KIAA1217: variants seen among roughly 807,000 people sequenced by gnomAD.
KIAA1217 encodes KIAA1217.
A neutral mutation model predicts 163.9 loss-of-function variants in KIAA1217; 88 were observed. The observed-to-expected ratio is 0.54, with a 90% CI of 0.45 to 0.64. KIAA1217 has a LOEUF of 0.64. Among genes scored for constraint, KIAA1217 ranks in the 30% least tolerant of loss-of-function variants. KIAA1217 has a pLI of 0.00. For missense variants in KIAA1217, 2,372 were observed against 2,475.0 expected, an observed-to-expected ratio of 0.96 and a Z score of 0.88; for synonymous variants, 903 against 923.1, an observed-to-expected ratio of 0.98 and a Z score of 0.39.
intron 2 of KIAA1217, among the ~76,000 whole-genome samples, chr10:24,113,079 G>A (rs557725721): frequency 2.9e-4 from 44 of 152,168 alleles, no homozygotes; most frequent in African/African-American, 1.0e-3. Context: ...ATTCCAGGGT[G>A]AGAGAGTAAA....
chr10:23,802,095 G>A lies in KIAA1217; in HGVS notation c.-321+106861G>A, dbSNP rs148055840. ...GAGAGACTGCAGATGGGAGAGTTGA[G>A]GGCCCTAGCTGATAGCAGAATATGG... On this transcript the variant is annotated intron_variant, in intron 1 of 18. Coordinates refer to the KIAA1217 transcript ENST00000376462. Among the ~76,000 whole-genome samples the A allele has an allele frequency of 5.2e-3, 786 of 152,306 alleles. 7 individuals carry two copies. Among genetic ancestry groups the A allele is most frequent in the Middle Eastern group, 0.017 (5 of 294 alleles).
intron 1 of KIAA1217, among the ~76,000 whole-genome samples, chr10:23,945,459 T>C (rs1399207379): frequency 6.6e-6 from 1 of 152,198 alleles, no homozygotes; most frequent in Non-Finnish European, 1.5e-5. Flanking sequence ...TGGCTGCTTA[T>C]GGAAGGAGGT....
chr10:24,401,338 C>T lies in KIAA1217; in HGVS notation c.553+20271C>T, dbSNP rs535824733. ...ACCATATGTATTTCACACAAAAATC[C>T]TTAATACATTATAAGCAAATCAGAT... On this transcript the variant is annotated intron_variant, in intron 3 of 20. Coordinates refer to ENST00000376454, the MANE Select transcript of KIAA1217 (RefSeq NM_019590.5). Among the ~76,000 whole-genome samples, 32 of 152,100 alleles carry T rather than the reference C, an allele frequency of 2.1e-4. No homozygotes were observed. In the South Asian group the frequency reaches 4.8e-3, roughly 23 times the overall value.
At chr10:23,971,890 T>A (rs572721546) in intron 1 of KIAA1217, among the ~76,000 whole-genome samples, 1 of 152,310 alleles carries the variant, frequency 6.6e-6, no homozygotes, top group East Asian at 1.9e-4. Context: ...AACCCTGGTT[T>A]CCACAACCCA....
intron 1 of KIAA1217, among the ~76,000 whole-genome samples, chr10:23,964,237 A>C (rs1379548990): frequency 6.6e-6 from 1 of 150,706 alleles, no homozygotes; most frequent in African/African-American, 2.4e-5. Flanking sequence ...TGGCTGCATA[A>C]ATGTCTTCTT....
intron 1 of KIAA1217, among the ~76,000 whole-genome samples, chr10:23,750,287 T>G (rs1839664420): frequency 2.0e-5 from 3 of 152,240 alleles, no homozygotes; most frequent in Non-Finnish European, 4.4e-5. Flanking sequence ...TGTCATGGAA[T>G]ATGCAACCCT....
chr10:24,340,481 T>C (rs2046951013), intron 2 of KIAA1217, among the ~76,000 whole-genome samples: 1 of 152,026 alleles, frequency 6.6e-6, no homozygotes, highest in African/African-American at 2.4e-5. Flanking sequence ...GAAGTATGAG[T>C]CCATTAAACC....
intron 5 of KIAA1217, among the ~76,000 whole-genome samples, chr10:24,439,689 C>T (rs1488554692): frequency 6.7e-6 from 1 of 150,038 alleles, no homozygotes; most frequent in East Asian, 2.0e-4. Context: ...AGGTCATCAA[C>T]ATTTCTTGGT....
At chr10:23,938,806 T>G (rs962730199) in intron 1 of KIAA1217, among the ~76,000 whole-genome samples, 3 of 152,178 alleles carry the variant, frequency 2.0e-5, no homozygotes, top group Non-Finnish European at 4.4e-5. Context: ...GATGACTGTG[T>G]ATATGCATAC....
chr10:23,824,666 T>G, intron 1 of KIAA1217, among the ~76,000 whole-genome samples: 1 of 128,524 alleles, frequency 7.8e-6, no homozygotes, highest in African/African-American at 2.9e-5. Flanking sequence ...AAAATATATA[T>G]ATATATATAT....
intron 2 of KIAA1217, among the ~76,000 whole-genome samples, chr10:24,362,526 G>A (rs1302139710): frequency 5.9e-5 from 9 of 152,146 alleles, no homozygotes; most frequent in Non-Finnish European, 1.5e-5. Flanking sequence ...AGATATGCTG[G>A]ATGGCTCAGT....
intron 2 of KIAA1217, among the ~76,000 whole-genome samples, chr10:24,072,544 G>A (rs1304094464): frequency 6.6e-6 from 1 of 152,140 alleles, no homozygotes; most frequent in Non-Finnish European, 1.5e-5. Context: ...TCAATAATCT[G>A]TTACATTTGT....
intron 2 of KIAA1217, among the ~76,000 whole-genome samples, chr10:24,220,679 C>A (rs2069489443): frequency 6.6e-6 from 1 of 150,494 alleles, no homozygotes; most frequent in Non-Finnish European, 1.5e-5. Flanking sequence ...TGGTCTCGAT[C>A]TCCTGATCTC....
At chr10:24,055,088 A>G (rs1233478042) in intron 2 of KIAA1217, among the ~76,000 whole-genome samples, 1 of 152,024 alleles carries the variant, frequency 6.6e-6, no homozygotes, top group Non-Finnish European at 1.5e-5. Context: ...AGAACATGGC[A>G]AAACCCTGTC....
intron 1 of KIAA1217, among the ~76,000 whole-genome samples, chr10:23,771,567 G>A (rs748536534): frequency 2.6e-4 from 39 of 152,238 alleles, no homozygotes; most frequent in Non-Finnish European, 3.4e-4. Flanking sequence ...AAATGTTAAG[G>A]CACAATAGAA....
intron 1 of KIAA1217, among the ~76,000 whole-genome samples, chr10:23,789,554 G>C (rs2130920073): frequency 6.6e-6 from 1 of 152,188 alleles, no homozygotes; most frequent in African/African-American, 2.4e-5. Context: ...GGGTATTAAT[G>C]AGGATTAAGT....
intron 2 of KIAA1217, among the ~76,000 whole-genome samples, chr10:24,193,629 C>A (rs1379256306): frequency 6.6e-6 from 1 of 152,182 alleles, no homozygotes; most frequent in South Asian, 2.1e-4. Flanking sequence ...TAAATTGTTT[C>A]TTCTTGAGGA....
At chr10:23,961,728 A>G (rs534115422) in intron 1 of KIAA1217, among the ~76,000 whole-genome samples, 4 of 152,336 alleles carry the variant, frequency 2.6e-5, no homozygotes, top group African/African-American at 9.6e-5. Flanking sequence ...AGCACTGCAG[A>G]GTGAGTGGCT....
intron 2 of KIAA1217, among the ~76,000 whole-genome samples, chr10:24,247,670 G>A (rs759363662): frequency 3.4e-4 from 52 of 152,048 alleles, no homozygotes; most frequent in Non-Finnish European, 5.5e-4. Flanking sequence ...GTGTTGTGGC[G>A]GGCGCCTGTA....
Sources: allele counts gnomAD v4.1 joint callset (sites outside exome capture counted in the v4.1 genomes callset), GRCh38; gene constraint gnomAD v4.1.1; transcripts MANE v1.5; gene names NCBI Gene and HGNC (gene_info 2026-07-23, HGNC 2026-07-21).